The following COPA variants were observed in gnomAD, a reference collection of about 807,000 sequenced individuals.
COPA encodes the protein coatomer subunit alpha.
Under a neutral mutation model 158.7 loss-of-function variants are expected in COPA, and 10 were observed. The observed-to-expected ratio is 0.06, with a 90% CI of 0.04 to 0.11. The LOEUF (loss-of-function observed/expected upper bound fraction) is 0.11, where lower values mean the gene tolerates loss of function less well. Ranked by LOEUF, COPA falls within the 10% of genes least tolerant of loss-of-function variation. The pLI is 1.00. For missense variants in COPA, 1,065 were observed against 1,536.7 expected (o/e 0.69, Z 5.13); for synonymous variants, 462 against 542.8 (o/e 0.85, Z 2.07).
chr1:160,343,070 C>T lies in COPA; in HGVS notation c.40+61G>A, dbSNP rs560855742. Reference sequence around the variant, plus strand: ...CAACACCTCTACCCATTTTCTCTTCCCCGGTGTCAGCGCCGCTCCTGACAT... The same window carrying T: ...CAACACCTCTACCCATTTTCTCTTCTCCGGTGTCAGCGCCGCTCCTGACAT... On this transcript the variant is annotated intron_variant, in intron 1 of 32. Coordinates refer to ENST00000241704, the MANE Select transcript of COPA (RefSeq NM_004371.4). 2.1e-5 allele frequency: 34 copies of T among 1,600,514 alleles called. 1 individual carries two copies. The highest frequency in any genetic ancestry group is 2.9e-5 in the Non-Finnish European group (34 of 1,167,814).
intron 12 of COPA, among the ~76,000 whole-genome samples, chr1:160,309,481 T>C (rs1438362262): frequency 6.6e-6 from 1 of 151,830 alleles, no homozygotes; most frequent in East Asian, 1.9e-4. Flanking sequence ...CCTGATATTC[T>C]GGTACCCCAC....
chr1:160,301,380 CA>C (rs1658597041), intron 17 of COPA, among the ~76,000 whole-genome samples: 1 of 152,028 alleles, frequency 6.6e-6, no homozygotes, highest in Non-Finnish European at 1.5e-5. Flanking sequence ...ACAAATATTC[CA>C]AAATCAGAAA....
intron 27 of COPA, among the ~76,000 whole-genome samples, chr1:160,292,917 GATATGAGCCA>G (rs1436817024): frequency 6.6e-6 from 1 of 152,146 alleles, no homozygotes; most frequent in Non-Finnish European, 1.5e-5. Context: ...TTATCTCACT[GATATGAGCCA>G]GAAAGCAAGC....
rs751550523 is a variant in COPA at position 160,293,253 on chromosome 1, ACC to A, written c.2755-21_2755-20del. The A allele has an allele frequency of 5.6e-5, 90 of 1,614,046 alleles. 1 individual carries two copies. In the East Asian group the frequency reaches 1.6e-3, roughly 30 times the overall value. ...ACCAGATCTAACAAGAAACAAAAAA[ACC>A]CAAGCCAAGTGAAACTTTGTCCCTT... On this transcript the variant is annotated intron_variant, in intron 26 of 32. Coordinates refer to ENST00000241704, the MANE Select transcript of COPA (RefSeq NM_004371.4).
In COPA at chr1:160,339,990, A is replaced by C; in HGVS notation, c.155-8T>G. The C allele has an allele frequency of 6.2e-7, 1 of 1,614,022 alleles. No homozygotes were observed. Among genetic ancestry groups the C allele is most frequent in the Non-Finnish European group, 8.5e-7 (1 of 1,179,880 alleles). ...CAATGCCTCGCACTGGACCTGGTGG[A>C]GAAGGCAGGCAATGTATGTTAGACA... On this transcript the variant is annotated splice_region_variant and splice_polypyrimidine_tract_variant and intron_variant, in intron 2 of 32. Coordinates refer to ENST00000241704, the MANE Select transcript of COPA (RefSeq NM_004371.4).
intron 8 of COPA, among the ~76,000 whole-genome samples, chr1:160,322,388 G>A (rs961749709): frequency 2.0e-5 from 3 of 152,114 alleles, no homozygotes; most frequent in African/African-American, 7.2e-5. Flanking sequence ...ACTATATGCA[G>A]AAGAATGAAA....
intron 13 of COPA, 31 bp from the exon 14 acceptor site, chr1:160,307,276 A>G (rs759523250): frequency 6.2e-7 from 1 of 1,605,366 alleles, no homozygotes; most frequent in Non-Finnish European, 8.5e-7. Context: ...GGGTGGGAGC[A>G]TGTGGTGAGT....
chr1:160,340,136 T>G lies in COPA; in HGVS notation c.154+45A>C, dbSNP rs1188056263. On this transcript the variant is annotated intron_variant, in intron 2 of 32. Coordinates refer to ENST00000241704, the MANE Select transcript of COPA (RefSeq NM_004371.4). ...CAAGGCTTAAAATACCCCAGGATAT[T>G]ATAAATACTTATACTCCTTTAACTT... 2.7e-6 allele frequency: 4 copies of G among 1,508,888 alleles called. No individual in the cohort carries two copies. The Admixed American group carries it at 6.7e-5, about 25-fold the overall frequency. The allele number at this position is 1,508,888 out of a possible 1,614,324, so 93.5% of individuals were successfully genotyped here.
chr1:160,335,538 T>C (rs954938287), intron 3 of COPA, among the ~76,000 whole-genome samples: 1 of 152,112 alleles, frequency 6.6e-6, no homozygotes, highest in Non-Finnish European at 1.5e-5. Context: ...ATAGGTCAGA[T>C]AAACAACATG....
intron 18 of COPA, 48 bp downstream of exon 18, chr1:160,299,054 A>C: frequency 6.2e-7 from 1 of 1,605,172 alleles, no homozygotes; most frequent in Non-Finnish European, 8.5e-7. Context: ...GAAAAAAAAA[A>C]AGAGTGCTGC....
At chr1:160,333,199 C>T (rs1031611579) in intron 5 of COPA, among the ~76,000 whole-genome samples, 19 of 152,252 alleles carry the variant, frequency 1.2e-4, no homozygotes, top group Admixed American at 1.2e-3. Context: ...GCTGGGATTA[C>T]AGGCATGAGC....
At chr1:160,326,900 T>A (rs1308716904) in intron 6 of COPA, among the ~76,000 whole-genome samples, 1 of 152,216 alleles carries the variant, frequency 6.6e-6, no homozygotes. Flanking sequence ...TAGTCTTATT[T>A]GTAGAGGACC....
At chr1:160,320,232 G>C (rs1659288662) in intron 8 of COPA, among the ~76,000 whole-genome samples, 1 of 152,120 alleles carries the variant, frequency 6.6e-6, no homozygotes, top group South Asian at 2.1e-4. Flanking sequence ...AGAATCATTA[G>C]AAACTATTAC....
At position 160,305,696 on chromosome 1, in the gene COPA, G is replaced by A; in HGVS notation, c.1520C>T (p.Ala507Val). ...SADMSHVALLAKHAIVICNRK... is the reference protein window; with the variant it reads ...SADMSHVALLVKHAIVICNRK... ...ATATAATGAAGACTCACCGTGTTTG[G>A]CTAGTAGTGCTACATGTGACATGTC... is the stretch of plus-strand genomic sequence containing the variant. The change falls in exon 16 of 33, where the codon GCC becomes GTC. Residue 507 changes from alanine (A) to valine (V), a missense_variant. By Grantham distance (64) the Ala-to-Val change is moderately conservative. Coordinates refer to ENST00000241704, the MANE Select transcript of COPA (RefSeq NM_004371.4). 6.2e-7 allele frequency: 1 copy of A among 1,614,120 alleles called. No individual in the cohort carries two copies. The highest frequency in any genetic ancestry group is 8.5e-7 in the Non-Finnish European group (1 of 1,179,992).
intron 10 of COPA, among the ~76,000 whole-genome samples, chr1:160,312,819 C>T (rs1051268808): frequency 6.6e-6 from 1 of 152,178 alleles, no homozygotes; most frequent in Non-Finnish European, 1.5e-5. Flanking sequence ...TTCTGAACCA[C>T]CCAATATAAA....
intron 3 of COPA, 141 bp from the exon 4 acceptor site, chr1:160,335,463 ATAGG>A (rs1339819498): frequency 9.1e-6 from 5 of 551,370 alleles, no homozygotes; most frequent in Non-Finnish European, 1.4e-5. Flanking sequence ...GCATTTCTAA[ATAGG>A]TAGGAACCTT....
chr1:160,299,313 C>T lies in COPA; in HGVS notation c.1668-49G>A, dbSNP rs780900835. On this transcript the variant is annotated intron_variant, in intron 17 of 32. Transcript: ENST00000241704. ...CAGTAAGTGAGAGGGAAAATCCATC[C>T]TGTGAAGAAACGGAACAAACCTAGG... 9 of 1,555,308 alleles carry T rather than the reference C, an allele frequency of 5.8e-6. No individual in the cohort carries two copies. The East Asian group carries it at 6.8e-5, about 12-fold the overall frequency.
At chr1:160,316,175 T>C (rs957604344) in intron 8 of COPA, among the ~76,000 whole-genome samples, 4 of 151,898 alleles carry the variant, frequency 2.6e-5, no homozygotes, top group South Asian at 2.1e-4. Context: ...CTGGCCGACA[T>C]AGTGAAACCC....
intron 17 of COPA, among the ~76,000 whole-genome samples, chr1:160,301,636 G>A (rs2101832180): frequency 6.6e-6 from 1 of 152,150 alleles, no homozygotes; most frequent in East Asian, 1.9e-4. Context: ...AGCTGGGCAT[G>A]GTGGCATATG....
Sources: gnomAD v4.1 joint callset for allele counts (sites outside exome capture counted in the v4.1 genomes callset) on GRCh38, gnomAD v4.1.1 for gene constraint, MANE v1.5 for transcripts, NCBI Gene and HGNC (gene_info 2026-07-23, HGNC 2026-07-21) for gene names.